Variants in PCDHGB7 observed in about 807,000 individuals in gnomAD.
The protein encoded by PCDHGB7 is protocadherin gamma subfamily B, 7, also known as protocadherin gamma-B7.
PCDHGB7 carries 37 observed loss-of-function variants against 61.4 expected under a neutral mutation model. The ratio of observed to expected loss-of-function variants is 0.60; its 90% CI spans 0.46 to 0.79. The LOEUF is 0.79. Ranked by LOEUF, PCDHGB7 falls within the 30% of genes least tolerant of loss-of-function variation. The pLI is 0.00. For missense variants in PCDHGB7, 1,166 were observed against 1,202.5 expected (o/e 0.97, Z 0.45); for synonymous variants, 464 against 503.5 (o/e 0.92, Z 1.05).
At chr5:141,469,948 T>C (rs1258593339) in intron 1 of PCDHGB7, among the ~76,000 whole-genome samples, 2 of 152,110 alleles carry the variant, frequency 1.3e-5, no homozygotes, top group Admixed American at 1.3e-4. Flanking sequence ...CTGGCCAGCA[T>C]GGTGAAACCC....
At position 141,431,280 on chromosome 5, in the gene PCDHGB7, C is replaced by G; in HGVS notation, c.2415+11006C>G. ...TCTCTGCAGAGCTACGAGCTCAGCC[C>G]GAACACTCACTTCTCCCTCATCGTG... On this transcript the variant is annotated intron_variant, in intron 1 of 3. Transcript: ENST00000398594. This position sits in a 1 kb window ranked among gnomAD's most constrained non-coding sequence, Gnocchi z 4.8. The G allele has an allele frequency of 6.2e-7, 1 of 1,614,146 alleles. No homozygotes were observed. The highest frequency in any genetic ancestry group is 8.5e-7 in the Non-Finnish European group (1 of 1,180,040).
At chr5:141,453,745 A>G (rs1208061874) in intron 1 of PCDHGB7, among the ~76,000 whole-genome samples, 1 of 152,264 alleles carries the variant, frequency 6.6e-6, no homozygotes, top group African/African-American at 2.4e-5. Context: ...CTTAAATAAC[A>G]TAAGTCTCCT....
At chr5:141,445,963 A>G (rs2098483291) in intron 1 of PCDHGB7, among the ~76,000 whole-genome samples, 2 of 152,342 alleles carry the variant, frequency 1.3e-5, no homozygotes, top group South Asian at 2.1e-4. Flanking sequence ...TATATGGAGA[A>G]TTGATTTATG....
intron 1 of PCDHGB7, among the ~76,000 whole-genome samples, chr5:141,470,256 A>G (rs1043528709): frequency 6.6e-6 from 1 of 152,228 alleles, no homozygotes; most frequent in African/African-American, 2.4e-5. Flanking sequence ...ACCTGTCTAA[A>G]TGGAGATACA....
chr5:141,485,503 C>T lies in PCDHGB7; in HGVS notation c.2416-9304C>T, dbSNP rs1057374827. The T allele has an allele frequency of 5.0e-6, 8 of 1,614,096 alleles. No homozygotes were observed. The highest frequency in any genetic ancestry group is 6.8e-6 in the Non-Finnish European group (8 of 1,180,008). On this transcript the variant is annotated intron_variant, in intron 1 of 3. Coordinates refer to ENST00000398594, the MANE Select transcript of PCDHGB7 (RefSeq NM_018927.4). This position sits in a 1 kb window ranked among gnomAD's most constrained non-coding sequence, Gnocchi z 5.7. ...GCATCGTGCCCCTGGAGTTTGTCAC[C>T]GAAGGTCCTTTGGAAATGTACCGAG...
rs1345498022 is a variant in PCDHGB7 at position 141,493,312 on chromosome 5, A to G, written c.2416-1495A>G. On this transcript the variant is annotated intron_variant, in intron 1 of 3. Coordinates refer to ENST00000398594, the MANE Select transcript of PCDHGB7 (RefSeq NM_018927.4). This position sits in a 1 kb window ranked among gnomAD's most constrained non-coding sequence, Gnocchi z 4.3. ...CTCAAGTTCACAGAGCAAGTAAGAG[A>G]GATTCTAACCCCTGTCTAACTCCAG... 6.6e-6 allele frequency among the ~76,000 whole-genome samples: 1 copy of G among 152,174 alleles called. No individual in the cohort carries two copies. Among genetic ancestry groups the G allele is most frequent in the Non-Finnish European group, 1.5e-5 (1 of 68,028 alleles).
At chr5:141,433,662 C>T (rs1377052782) in intron 1 of PCDHGB7, among the ~76,000 whole-genome samples, 1 of 151,950 alleles carries the variant, frequency 6.6e-6, no homozygotes, top group Non-Finnish European at 1.5e-5. Context: ...ATGGAGAAAC[C>T]CCGTCTATAC....
intron 1 of PCDHGB7, among the ~76,000 whole-genome samples, chr5:141,455,406 CAG>C (rs1306843200): frequency 3.3e-5 from 5 of 152,226 alleles, no homozygotes; most frequent in Non-Finnish European, 5.9e-5. Flanking sequence ...CTTACAGAGA[CAG>C]AGGGAGCGGG....
chr5:141,427,971 C>T (rs764145525), intron 1 of PCDHGB7: 1 of 1,593,512 alleles, frequency 6.3e-7, no homozygotes, highest in African/African-American at 1.3e-5. Flanking sequence ...GGTGCTGTAC[C>T]CCGCGCTGGG....
At chr5:141,422,020 G>A (rs374562798) in intron 1 of PCDHGB7, 2 of 1,610,932 alleles carry the variant, frequency 1.2e-6, no homozygotes, top group Non-Finnish European at 1.7e-6. Flanking sequence ...GGTGCTGATG[G>A]TTAATGCAAC....
In PCDHGB7 at chr5:141,418,490, G is replaced by A. The variant is rs1473964718; in HGVS notation, c.631G>A (p.Val211Ile). The change falls in exon 1 of 4, where the codon GTA (valine) becomes ATA (isoleucine). Residue 211 changes from valine to isoleucine, a missense_variant. Coordinates refer to ENST00000398594, the MANE Select transcript of PCDHGB7 (RefSeq NM_018927.4). Reference sequence around the variant, plus strand: ...AGAAACGCAGAGCGCTCACCACTTGGTACTGACCGCCTTAGATGGTGGGGA... The same window carrying A: ...AGAAACGCAGAGCGCTCACCACTTGATACTGACCGCCTTAGATGGTGGGGA... ...DRETQSAHHL[V>I]LTALDGGDPP... 5.6e-6 allele frequency: 9 copies of A among 1,613,996 alleles called. No homozygotes were observed. In the East Asian group the frequency reaches 1.6e-4, roughly 28 times the overall value.
rs1312101699 is a variant in PCDHGB7 at position 141,421,245 on chromosome 5, G to C, written c.2415+971G>C. ...AGCCTGCCATGGCGAATCGGCTACA[G>C]CGCGGGGACCGCAGTCGGCTGCTGC... On this transcript the variant is annotated intron_variant, in intron 1 of 3. Coordinates refer to ENST00000398594, the MANE Select transcript of PCDHGB7 (RefSeq NM_018927.4). 6.2e-7 allele frequency: 1 copy of C among 1,603,936 alleles called. No homozygotes were observed. The highest frequency in any genetic ancestry group is 8.5e-7 in the Non-Finnish European group (1 of 1,176,330).
chr5:141,474,412 C>T (rs1282336092), intron 1 of PCDHGB7, among the ~76,000 whole-genome samples: 2 of 152,220 alleles, frequency 1.3e-5, no homozygotes, highest in African/African-American at 2.4e-5. Context: ...CCGGTGATGC[C>T]TAGACCATTG....
chr5:141,462,623 T>C (rs992165332), intron 1 of PCDHGB7, among the ~76,000 whole-genome samples: 3 of 150,992 alleles, frequency 2.0e-5, no homozygotes, highest in Non-Finnish European at 4.4e-5. Context: ...CTTTTAGAAG[T>C]TCCATTTGAC....
rs767330174 is a variant in PCDHGB7, at chr5:141,491,818, C to T, written c.2416-2989C>T. The T allele has an allele frequency of 1.6e-5, 24 of 1,481,560 alleles. No homozygotes were observed. The highest frequency in any genetic ancestry group is 1.9e-5 in the Non-Finnish European group (21 of 1,116,446). 91.8% of individuals were successfully genotyped at this position (1,481,560 alleles called of 1,614,324 possible). A position where few individuals can be genotyped will look rare whatever the true frequency, so the allele number is the denominator to read the frequency against. On this transcript the variant is annotated intron_variant, in intron 1 of 3. Transcript: ENST00000398594. This position sits in a 1 kb window ranked among gnomAD's most constrained non-coding sequence, Gnocchi z 6.9. ...CTCCGGCCGGCTTGGTCGCTGGCTGCGCTCCACCCGATTCTCGGGATCATT... is the reference window on the plus strand; with the variant it reads ...CTCCGGCCGGCTTGGTCGCTGGCTGTGCTCCACCCGATTCTCGGGATCATT...
At position 141,477,596 on chromosome 5, in the gene PCDHGB7, T is replaced by G. The variant is rs1364779381; in HGVS notation, c.2416-17211T>G. ...CGCCCCGCAGAATGCTCGGCTTTCTTTCTTTCTCTTGGAGCAAGGAGCTGA... is the reference window on the plus strand; with the variant it reads ...CGCCCCGCAGAATGCTCGGCTTTCTGTCTTTCTCTTGGAGCAAGGAGCTGA... On this transcript the variant is annotated intron_variant, in intron 1 of 3. Transcript: ENST00000398594. This position sits in a 1 kb window ranked among gnomAD's most constrained non-coding sequence, Gnocchi z 4.9. The G allele has an allele frequency of 6.2e-7, 1 of 1,614,184 alleles. No individual in the cohort carries two copies. The highest frequency in any genetic ancestry group is 1.1e-5 in the South Asian group (1 of 91,086).
At chr5:141,441,725 C>T (rs2098268012) in intron 1 of PCDHGB7, 3 of 352,332 alleles carry the variant, frequency 8.5e-6, no homozygotes. Flanking sequence ...AGGCCCGCGA[C>T]CAGGACTAGC....
chr5:141,421,901 G>A lies in PCDHGB7; in HGVS notation c.2415+1627G>A. ...GATGGAGGCGATCCCATCCGAAAGG[G>A]CGCAGTTCCCATTCGTGTGGTGGTC... is the stretch of plus-strand genomic sequence containing the variant. On this transcript the variant is annotated intron_variant, in intron 1 of 3. Coordinates refer to ENST00000398594, the MANE Select transcript of PCDHGB7 (RefSeq NM_018927.4). 1.9e-6 allele frequency: 3 copies of A among 1,613,724 alleles called. No individual in the cohort carries two copies. Among genetic ancestry groups the A allele is most frequent in the East Asian group, 2.2e-5 (1 of 44,880 alleles).
At position 141,432,783 on chromosome 5, in the gene PCDHGB7, T is replaced by G; in HGVS notation, c.2415+12509T>G. The G allele has an allele frequency of 6.2e-7, 1 of 1,614,118 alleles. No individual in the cohort carries two copies. On this transcript the variant is annotated intron_variant, in intron 1 of 3. Transcript: ENST00000398594. The surrounding 1 kb of genome is among the most constrained non-coding windows in gnomAD (Gnocchi z 6.0). ...AGCATCCCCCAAGTCCTGGCGGACC[T>G]CGGCAGCCTCGAGTCTCCAGCTAAC...
Sources: allele counts gnomAD v4.1 joint callset (sites outside exome capture counted in the v4.1 genomes callset), GRCh38; gene constraint gnomAD v4.1.1; non-coding constraint Gnocchi (gnomAD v3.1); transcripts MANE v1.5; gene names NCBI Gene and HGNC (gene_info 2026-07-23, HGNC 2026-07-21).